The following KCNH1 variants were observed in gnomAD, a reference collection of about 807,000 sequenced individuals.
KCNH1 encodes the protein voltage-gated delayed rectifier potassium channel KCNH1.
Under a neutral mutation model 69.2 loss-of-function variants are expected in KCNH1, and 27 were observed. That is an observed-to-expected ratio of 0.39 (90% CI 0.29 to 0.54). The LOEUF (loss-of-function observed/expected upper bound fraction) is 0.54. Among genes scored for constraint, KCNH1 ranks in the 20% least tolerant of loss-of-function variants. The probability of loss-of-function intolerance (pLI) is 0.68; values close to 1 mark genes in which losing one functional copy is unlikely to be tolerated. For missense variants in KCNH1, 798 were observed against 1,261.6 expected, an observed-to-expected ratio of 0.63 and a Z score of 5.57; for synonymous variants, 456 against 487.7, an observed-to-expected ratio of 0.93 and a Z score of 0.86.
intron 6 of KCNH1, among the ~76,000 whole-genome samples, chr1:210,973,370 G>A (rs1191994846): frequency 1.3e-5 from 2 of 152,054 alleles, no homozygotes; most frequent in Non-Finnish European, 2.9e-5. Flanking sequence ...TTCTAAGACA[G>A]AAATTCAAGG....
chr1:211,078,538 A>G (rs1183578324), intron 5 of KCNH1, among the ~76,000 whole-genome samples: 1 of 152,216 alleles, frequency 6.6e-6, no homozygotes, highest in Non-Finnish European at 1.5e-5. Context: ...TAACGAAATG[A>G]AGGTAGAAAT....
At chr1:210,890,654 C>G (rs4293011) in intron 7 of KCNH1, among the ~76,000 whole-genome samples, 127,686 of 151,988 alleles carry the variant, frequency 0.84, 53,830 homozygotes, top group African/African-American at 0.88. Context: ...ATCTGACAAA[C>G]GGATAATACC....
chr1:210,763,865 A>G (rs1221406144), intron 10 of KCNH1, among the ~76,000 whole-genome samples: 1 of 152,136 alleles, frequency 6.6e-6, no homozygotes, highest in African/African-American at 2.4e-5. Context: ...TTAGAAAAAA[A>G]CTATTCTAAA....
intron 6 of KCNH1, among the ~76,000 whole-genome samples, chr1:210,958,313 T>A (rs1574361451): frequency 6.6e-6 from 1 of 152,188 alleles, no homozygotes. Context: ...TGTGGGTAAC[T>A]TGACCTTTCA....
At chr1:210,770,882 A>T (rs1479894176) in intron 10 of KCNH1, among the ~76,000 whole-genome samples, 1 of 152,236 alleles carries the variant, frequency 6.6e-6, no homozygotes, top group Non-Finnish European at 1.5e-5. Context: ...GACACTCCTT[A>T]GCCAGAAGAG....
intron 5 of KCNH1, among the ~76,000 whole-genome samples, chr1:211,042,379 C>A (rs1444111128): frequency 6.6e-6 from 1 of 152,104 alleles, no homozygotes; most frequent in Non-Finnish European, 1.5e-5. Context: ...TCTCTACTTA[C>A]CATCACAAAA....
At chr1:210,771,731 T>C (rs1023671854) in intron 10 of KCNH1, among the ~76,000 whole-genome samples, 8 of 152,218 alleles carry the variant, frequency 5.3e-5, no homozygotes, top group Non-Finnish European at 1.2e-4. Flanking sequence ...TCCTACAAGT[T>C]AGAAATTTTC....
chr1:210,881,878 G>A (rs542890626), intron 7 of KCNH1, among the ~76,000 whole-genome samples: 91 of 152,320 alleles, frequency 6.0e-4, no homozygotes, highest in African/African-American at 2.0e-3. Context: ...GGAGTTAGAA[G>A]GATGAGAGGG....
intron 10 of KCNH1, among the ~76,000 whole-genome samples, chr1:210,744,744 CT>C (rs761849270): frequency 1.3e-5 from 2 of 152,066 alleles, no homozygotes; most frequent in Non-Finnish European, 2.9e-5. Flanking sequence ...ATGAATTTAC[CT>C]TTTTAATGAG....
intron 6 of KCNH1, among the ~76,000 whole-genome samples, chr1:210,972,999 A>G (rs892875687): frequency 6.6e-6 from 1 of 151,460 alleles, no homozygotes; most frequent in Non-Finnish European, 1.5e-5. Context: ...GTCATGAGGC[A>G]TCCATCATTC....
intron 7 of KCNH1, among the ~76,000 whole-genome samples, chr1:210,856,825 A>T (rs1213217260): frequency 7.7e-6 from 1 of 129,336 alleles, no homozygotes; most frequent in African/African-American, 2.8e-5. Flanking sequence ...TATATATTTT[A>T]TATATAATAT....
At chr1:210,875,300 A>G (rs1331000710) in intron 7 of KCNH1, among the ~76,000 whole-genome samples, 1 of 152,244 alleles carries the variant, frequency 6.6e-6, no homozygotes, top group South Asian at 2.1e-4. Flanking sequence ...GAAAGCCTAT[A>G]TGACCACTGC....
At chr1:210,933,369 G>A (rs530257770) in intron 6 of KCNH1, among the ~76,000 whole-genome samples, 3 of 152,066 alleles carry the variant, frequency 2.0e-5, no homozygotes, top group Non-Finnish European at 2.9e-5. Context: ...GTTGTGGGGT[G>A]GGGGGAGCGG....
intron 5 of KCNH1, among the ~76,000 whole-genome samples, chr1:211,051,343 C>T (rs545341478): frequency 5.9e-5 from 9 of 151,890 alleles, no homozygotes; most frequent in African/African-American, 2.2e-4. Flanking sequence ...CTAATGGAGG[C>T]GGCAAACCTG....
chr1:210,860,809 T>C, intron 7 of KCNH1: 2 of 884,106 alleles, frequency 2.3e-6, no homozygotes, highest in Non-Finnish European at 3.9e-6. Flanking sequence ...AATGTTCTGA[T>C]CACTTTTGAA....
intron 7 of KCNH1, among the ~76,000 whole-genome samples, chr1:210,846,003 C>T (rs1051495149): frequency 6.6e-6 from 1 of 152,098 alleles, no homozygotes; most frequent in African/African-American, 2.4e-5. Context: ...AATAAAATAC[C>T]TGGGAATCCA....
At chr1:211,128,070 C>T (rs978288659) in intron 1 of KCNH1, among the ~76,000 whole-genome samples, 7 of 152,022 alleles carry the variant, frequency 4.6e-5, no homozygotes, top group African/African-American at 1.7e-4. Flanking sequence ...GCGGGCGGAT[C>T]ACAAGGTCAG....
intron 1 of KCNH1, among the ~76,000 whole-genome samples, chr1:211,121,854 G>A (rs182324965): frequency 1.5e-4 from 23 of 152,120 alleles, no homozygotes; most frequent in East Asian, 5.8e-4. Context: ...AAACAACCCC[G>A]GCCAGGCGTG....
At chr1:210,714,714 A>G (rs888998987) in intron 10 of KCNH1, among the ~76,000 whole-genome samples, 6 of 152,154 alleles carry the variant, frequency 3.9e-5, no homozygotes, top group Admixed American at 3.3e-4. Context: ...CCTGCCTTCA[A>G]AGGAAGGCAG....
Sources: gnomAD v4.1 joint callset for allele counts (sites outside exome capture counted in the v4.1 genomes callset) on GRCh38, gnomAD v4.1.1 for gene constraint, MANE v1.5 for transcripts, NCBI Gene and HGNC (gene_info 2026-07-23, HGNC 2026-07-21) for gene names.